The following EEPD1 variants were observed in gnomAD, a reference collection of about 807,000 sequenced individuals.
The protein encoded by EEPD1 is endonuclease/exonuclease/phosphatase family domain-containing protein 1.
A neutral mutation model predicts 46.3 loss-of-function variants in EEPD1; 17 were observed. The observed-to-expected ratio is 0.37, with a 90% CI of 0.25 to 0.55. EEPD1 has a LOEUF of 0.55. Among genes scored for constraint, EEPD1 ranks in the 20% least tolerant of loss-of-function variants. EEPD1 has a pLI of 0.83. For synonymous variants in EEPD1, 313 were observed against 315.6 expected (o/e 0.99, Z 0.09); for missense variants, 673 against 745.6 (o/e 0.90, Z 1.13).
chr7:36,225,414 T>C lies in EEPD1; in HGVS notation c.879-13571T>C, dbSNP rs1583819387. Among the ~76,000 whole-genome samples, 2 of 152,156 alleles carry C rather than the reference T, an allele frequency of 1.3e-5. No homozygotes were observed. The highest frequency in any genetic ancestry group is 4.8e-5 in the African/African-American group (2 of 41,440). ...CAGTGATCCGTCATCCAAACTGTGA[T>C]GGAAGGAAACCCCGTGCTCACGAGG... On this transcript the variant is annotated intron_variant, in intron 2 of 7. Transcript: ENST00000242108. This position sits in a 1 kb window ranked among gnomAD's most constrained non-coding sequence, Gnocchi z 4.2.
At chr7:36,217,064 T>C (rs1183488705) in intron 2 of EEPD1, among the ~76,000 whole-genome samples, 5 of 152,258 alleles carry the variant, frequency 3.3e-5, no homozygotes, top group Non-Finnish European at 7.3e-5. Flanking sequence ...TCTTGGATCT[T>C]GCACAAGAAA....
At chr7:36,290,565 C>T (rs1461652507) in intron 6 of EEPD1, among the ~76,000 whole-genome samples, 2 of 152,150 alleles carry the variant, frequency 1.3e-5, no homozygotes, top group Non-Finnish European at 2.9e-5. Flanking sequence ...TAGCAAGCTC[C>T]GGGCCTTTCT....
At chr7:36,258,350 C>T (rs1171343557) in intron 3 of EEPD1, among the ~76,000 whole-genome samples, 3 of 152,208 alleles carry the variant, frequency 2.0e-5, no homozygotes, top group East Asian at 3.9e-4. Context: ...AGAGCTTGAG[C>T]GCTGTGCTGG....
chr7:36,298,964 C>T lies in EEPD1; in HGVS notation c.1511-43C>T, dbSNP rs747491174. 3.7e-6 allele frequency: 6 copies of T among 1,601,392 alleles called. No individual in the cohort carries two copies. In the South Asian group the frequency reaches 4.5e-5, roughly 12 times the overall value. ...CAATCCAGGACCTCCCGCACCCAACCCCCCATCCTGATTCCCGGTCTCTTT... is the reference window on the plus strand; with the variant it reads ...CAATCCAGGACCTCCCGCACCCAACTCCCCATCCTGATTCCCGGTCTCTTT... On this transcript the variant is annotated intron_variant, in intron 7 of 7. Coordinates refer to ENST00000242108, the MANE Select transcript of EEPD1 (RefSeq NM_030636.3).
At chr7:36,203,187 GT>G (rs1218374454) in intron 2 of EEPD1, among the ~76,000 whole-genome samples, 1 of 152,160 alleles carries the variant, frequency 6.6e-6, no homozygotes, top group Non-Finnish European at 1.5e-5. Flanking sequence ...GCTGCTCCTC[GT>G]GGCAGGGCCA....
intron 2 of EEPD1, among the ~76,000 whole-genome samples, chr7:36,231,931 A>G (rs947994283): frequency 1.3e-5 from 2 of 152,218 alleles, no homozygotes; most frequent in African/African-American, 4.8e-5. Context: ...GGTTTCCAAT[A>G]AGGTTAGAAA....
At chr7:36,227,278 T>C (rs746885145) in intron 2 of EEPD1, among the ~76,000 whole-genome samples, 3 of 152,252 alleles carry the variant, frequency 2.0e-5, no homozygotes, top group Non-Finnish European at 4.4e-5. Flanking sequence ...CCTGCCCAGA[T>C]TGTTTTGCAG....
At chr7:36,240,261 A>G (rs1177207311) in intron 3 of EEPD1, among the ~76,000 whole-genome samples, 2 of 152,156 alleles carry the variant, frequency 1.3e-5, no homozygotes, top group Non-Finnish European at 2.9e-5. Flanking sequence ...AGAGCAAGAG[A>G]CCCTGTCTCA....
chr7:36,156,368 C>G (rs1384984281), intron 2 of EEPD1, among the ~76,000 whole-genome samples: 1 of 152,130 alleles, frequency 6.6e-6, no homozygotes, highest in Non-Finnish European at 1.5e-5. Context: ...GACTGGGGAG[C>G]CCTTGAATGC....
intron 5 of EEPD1, among the ~76,000 whole-genome samples, chr7:36,287,425 G>C (rs1416218696): frequency 6.6e-6 from 1 of 152,044 alleles, no homozygotes; most frequent in Non-Finnish European, 1.5e-5. Flanking sequence ...TGTTAGGGGT[G>C]GACTGGTAGA....
intron 3 of EEPD1, among the ~76,000 whole-genome samples, chr7:36,276,290 T>C (rs1003703911): frequency 2.6e-5 from 4 of 152,204 alleles, no homozygotes; most frequent in Admixed American, 2.0e-4. Flanking sequence ...TCTGGTCGTC[T>C]TCACTGCTCT....
At chr7:36,170,000 A>T (rs1245809187) in intron 2 of EEPD1, among the ~76,000 whole-genome samples, 2 of 152,246 alleles carry the variant, frequency 1.3e-5, no homozygotes, top group Admixed American at 1.3e-4. Flanking sequence ...TGGCAGTTTC[A>T]TCACAATATC....
rs142182000 is a variant in EEPD1 at position 36,223,153 on chromosome 7, A to AAAATAAATAAATAAAT, written c.879-15820_879-15805dup. ...GCGACAGAGTGAGACTGTGTCTCAAAAAATAAATAAATAAATAAATAAATA... is the reference window on the plus strand; with the variant it reads ...GCGACAGAGTGAGACTGTGTCTCAAAAAATAAATAAATAAATAAATAAATAAATAAATAAATAAATA... On this transcript the variant is annotated intron_variant, in intron 2 of 7. Coordinates refer to ENST00000242108, the MANE Select transcript of EEPD1 (RefSeq NM_030636.3). Among the ~76,000 whole-genome samples, 830 of 150,474 alleles carry AAAATAAATAAATAAAT rather than the reference A, an allele frequency of 5.5e-3. 4 individuals carry two copies. Among genetic ancestry groups the AAAATAAATAAATAAAT allele is most frequent in the African/African-American group, 0.019 (778 of 40,936 alleles).
chr7:36,281,186 G>A lies in EEPD1; in HGVS notation c.1002G>A (p.Lys334=), dbSNP rs1383259897. 1.9e-6 allele frequency: 3 copies of A among 1,614,216 alleles called. No homozygotes were observed. In the Admixed American group the frequency reaches 5.0e-5, roughly 27 times the overall value. Residue 334 remains lysine (K), a synonymous_variant, in exon 4 of 8, where the codon AAG becomes AAA. Transcript: ENST00000242108. ...RKWKGPRGCW[K]AVVAEKPSSQ... ...GGAAGGGGCCCCGGGGATGCTGGAA[G>A]GCTGTTGTTGCTGAGAAGCCCTCGA...
chr7:36,201,925 G>A (rs1212486259), intron 2 of EEPD1, among the ~76,000 whole-genome samples: 1 of 152,156 alleles, frequency 6.6e-6, no homozygotes, highest in Non-Finnish European at 1.5e-5. Flanking sequence ...ATCATTCAAA[G>A]GGTTCTACCT....
intron 2 of EEPD1, among the ~76,000 whole-genome samples, chr7:36,222,328 G>A (rs1036960828): frequency 1.2e-4 from 19 of 152,208 alleles, no homozygotes; most frequent in African/African-American, 4.6e-4. Context: ...ATTAAGTGTA[G>A]TGGATTATCA....
At chr7:36,269,183 C>T (rs970001655) in intron 3 of EEPD1, among the ~76,000 whole-genome samples, 3 of 152,202 alleles carry the variant, frequency 2.0e-5, no homozygotes, top group Non-Finnish European at 4.4e-5. Context: ...TTTAGGACTT[C>T]ACGCGCTCCT....
At chr7:36,236,441 G>A (rs1265671936) in intron 2 of EEPD1, among the ~76,000 whole-genome samples, 5 of 152,178 alleles carry the variant, frequency 3.3e-5, no homozygotes, top group Admixed American at 6.5e-5. Context: ...CCCTCTTCGC[G>A]GGATTGTTGG....
chr7:36,230,075 C>T (rs139171800), intron 2 of EEPD1, among the ~76,000 whole-genome samples: 119 of 152,208 alleles, frequency 7.8e-4, no homozygotes, highest in Non-Finnish European at 1.1e-3. Context: ...ATGATCCCTT[C>T]AGCCCCCAGT....
Sources: allele counts gnomAD v4.1 joint callset (sites outside exome capture counted in the v4.1 genomes callset), GRCh38; gene constraint gnomAD v4.1.1; non-coding constraint Gnocchi (gnomAD v3.1); transcripts MANE v1.5; gene names NCBI Gene and HGNC (gene_info 2026-07-23, HGNC 2026-07-21).